Variants in GRID1 observed in about 807,000 individuals in gnomAD.
The protein encoded by GRID1 is glutamate receptor ionotropic, delta-1.
In GRID1, 28 loss-of-function variants were observed where a neutral mutation model predicts 98.0. The observed-to-expected ratio is 0.29, with a 90% confidence interval of 0.21 to 0.39. GRID1 has a LOEUF of 0.39. Among genes scored for constraint, GRID1 ranks in the 10% least tolerant of loss-of-function variants. GRID1 has a pLI of 1.00. For synonymous variants in GRID1, 553 were observed against 538.5 expected, an observed-to-expected ratio of 1.03 and a Z score of -0.37; for missense variants, 1,111 against 1,340.5, an observed-to-expected ratio of 0.83 and a Z score of 2.67.
At chr10:85,935,327 T>C (rs568542220) in intron 4 of GRID1, among the ~76,000 whole-genome samples, 1 of 152,138 alleles carries the variant, frequency 6.6e-6, no homozygotes, top group Admixed American at 6.5e-5. Flanking sequence ...CTGAAGAAGG[T>C]AGAAAGCCTC....
chr10:86,232,346 G>C (rs1846469500), intron 2 of GRID1, among the ~76,000 whole-genome samples: 1 of 152,208 alleles, frequency 6.6e-6, no homozygotes, highest in Non-Finnish European at 1.5e-5. Context: ...GCAGTCACTG[G>C]GCATCTCTCT....
At chr10:86,210,269 A>G (rs1846089753) in intron 2 of GRID1, among the ~76,000 whole-genome samples, 1 of 152,054 alleles carries the variant, frequency 6.6e-6, no homozygotes, top group South Asian at 2.1e-4. Context: ...ACCAGCTACC[A>G]CCTCACCAGG....
chr10:85,599,802 A>AAAAAAAAAAAAAAAAAAAT lies in GRID1; in HGVS notation c.*2470_*2471insATTTTTTTTTTTTTTTTTT. 18 of 64,976 alleles carry AAAAAAAAAAAAAAAAAAAT rather than the reference A, an allele frequency of 2.8e-4. 1 individual carries two copies. The highest frequency in any genetic ancestry group is 1.0e-3 in the African/African-American group (11 of 10,728). 4.0% of individuals were successfully genotyped at this position (64,976 alleles called of 1,614,324 possible). ...GTAGAAAATTCTAAAAAAAAAAAAA[A>AAAAAAAAAAAAAAAAAAAT]ATATATATATATATATATAAACATG... On this transcript the variant is annotated 3_prime_UTR_variant, in exon 16 of 16. Coordinates refer to ENST00000327946, the MANE Select transcript of GRID1 (RefSeq NM_017551.3).
intron 8 of GRID1, among the ~76,000 whole-genome samples, chr10:85,751,674 C>T (rs1166701714): frequency 6.6e-6 from 1 of 151,990 alleles, no homozygotes; most frequent in African/African-American, 2.4e-5. Context: ...CTTATTACAA[C>T]CATATACACA....
intron 3 of GRID1, among the ~76,000 whole-genome samples, chr10:86,200,982 G>A (rs1845943093): frequency 6.6e-6 from 1 of 152,204 alleles, no homozygotes; most frequent in Non-Finnish European, 1.5e-5. Flanking sequence ...GTGTGAATAG[G>A]TAGGAATGCT....
At chr10:85,958,015 G>T (rs970459214) in intron 4 of GRID1, among the ~76,000 whole-genome samples, 3 of 152,194 alleles carry the variant, frequency 2.0e-5, no homozygotes, top group Non-Finnish European at 4.4e-5. Context: ...CGGGAGATGT[G>T]CCAGCTACTC....
At chr10:86,213,565 G>A (rs530091729) in intron 2 of GRID1, among the ~76,000 whole-genome samples, 65 of 152,060 alleles carry the variant, frequency 4.3e-4, no homozygotes, top group Non-Finnish European at 7.1e-4. Context: ...CCTGAGCTCC[G>A]AAGCCTCCCT....
At position 85,946,648 on chromosome 10, in the gene GRID1, C is replaced by T. The variant is rs1842056735; in HGVS notation, c.727-30409G>A. On this transcript the variant is annotated intron_variant, in intron 4 of 15. Coordinates refer to ENST00000327946, the MANE Select transcript of GRID1 (RefSeq NM_017551.3). Reference sequence around the variant, plus strand: ...GGCTTGGAAAGGGATGCTGTCCCTGCTCCCAGGGCCAAGGCCAGCCCCGGG... The same window carrying T: ...GGCTTGGAAAGGGATGCTGTCCCTGTTCCCAGGGCCAAGGCCAGCCCCGGG... Among the ~76,000 whole-genome samples the T allele has an allele frequency of 2.0e-5, 3 of 152,198 alleles. No homozygotes were observed. The South Asian group carries it at 6.2e-4, about 32-fold the overall frequency.
At chr10:86,180,829 T>C (rs1332393740) in intron 3 of GRID1, among the ~76,000 whole-genome samples, 1 of 152,178 alleles carries the variant, frequency 6.6e-6, no homozygotes, top group Non-Finnish European at 1.5e-5. Context: ...ATAAGATCCC[T>C]GTAGCCCCCT....
intron 12 of GRID1, among the ~76,000 whole-genome samples, chr10:85,705,713 A>G (rs535193177): frequency 6.6e-6 from 1 of 152,296 alleles, no homozygotes; most frequent in Non-Finnish European, 1.5e-5. Context: ...CCTCAATAAA[A>G]TATTGGCAAA....
intron 4 of GRID1, among the ~76,000 whole-genome samples, chr10:86,027,309 G>T (rs1002460924): frequency 1.3e-5 from 2 of 152,236 alleles, no homozygotes; most frequent in Admixed American, 6.5e-5. Context: ...CCATGGATTT[G>T]CCTGTTCTGG....
intron 4 of GRID1, among the ~76,000 whole-genome samples, chr10:86,042,709 G>C (rs1389936740): frequency 6.6e-6 from 1 of 152,200 alleles, no homozygotes; most frequent in Non-Finnish European, 1.5e-5. Context: ...GCTGTACTCA[G>C]AGCATCTTCA....
At chr10:85,767,506 C>A (rs777544141) in intron 8 of GRID1, among the ~76,000 whole-genome samples, 1 of 152,110 alleles carries the variant, frequency 6.6e-6, no homozygotes, top group Non-Finnish European at 1.5e-5. Flanking sequence ...GGAAAAAGAA[C>A]TTTGTTAAAT....
intron 2 of GRID1, among the ~76,000 whole-genome samples, chr10:86,350,597 G>C (rs895810236): frequency 6.6e-6 from 1 of 152,218 alleles, no homozygotes; most frequent in Non-Finnish European, 1.5e-5. Context: ...ATTGTCCTGA[G>C]ATGATGCCCA....
chr10:86,366,308 G>T lies in GRID1; in HGVS notation c.79+6C>A, dbSNP rs1231448440. On this transcript the variant is annotated splice_donor_region_variant and intron_variant, in intron 1 of 15. Transcript: ENST00000327946. The surrounding 1 kb of genome is among the most constrained non-coding windows in gnomAD (Gnocchi z 4.1). Reference sequence around the variant, plus strand: ...CAGCCTCGGCCCGGCCTCCAGCCGCGCTTACCGATGTGGATGATGGAGTCG... The same window carrying T: ...CAGCCTCGGCCCGGCCTCCAGCCGCTCTTACCGATGTGGATGATGGAGTCG... 2.7e-6 allele frequency: 4 copies of T among 1,490,150 alleles called. No homozygotes were observed. The highest frequency in any genetic ancestry group is 3.6e-6 in the Non-Finnish European group (4 of 1,116,538). The allele number at this position is 1,490,150 out of a possible 1,614,324, so 92.3% of individuals were successfully genotyped here.
intron 7 of GRID1, among the ~76,000 whole-genome samples, chr10:85,855,286 GAGA>G (rs1255762302): frequency 1.3e-5 from 2 of 152,246 alleles, no homozygotes; most frequent in Non-Finnish European, 2.9e-5. Context: ...GGCTTCATAG[GAGA>G]AGGAGGCAGC....
chr10:85,915,206 T>G (rs1460966279), intron 5 of GRID1, among the ~76,000 whole-genome samples: 1 of 151,902 alleles, frequency 6.6e-6, no homozygotes, highest in East Asian at 1.9e-4. Context: ...ACAAACATAC[T>G]TACACACACG....
intron 2 of GRID1, among the ~76,000 whole-genome samples, chr10:86,340,303 C>A (rs565955826): frequency 1.3e-5 from 2 of 152,298 alleles, no homozygotes; most frequent in South Asian, 2.1e-4. Context: ...CCAGGGGAAG[C>A]AAAATATCGG....
At chr10:86,194,901 G>A (rs557314533) in intron 3 of GRID1, among the ~76,000 whole-genome samples, 3 of 152,208 alleles carry the variant, frequency 2.0e-5, no homozygotes, top group East Asian at 3.9e-4. Context: ...ACTTACAGCA[G>A]TTCCTGTCAG....
Sources: allele counts gnomAD v4.1 joint callset (sites outside exome capture counted in the v4.1 genomes callset), GRCh38; gene constraint gnomAD v4.1.1; non-coding constraint Gnocchi (gnomAD v3.1); transcripts MANE v1.5; gene names NCBI Gene and HGNC (gene_info 2026-07-23, HGNC 2026-07-21).